DLGAP1: variants seen among roughly 807,000 people sequenced by gnomAD.
DLGAP1 encodes DLG associated protein 1, also known as disks large-associated protein 1.
In DLGAP1, 11 loss-of-function variants were observed where a neutral mutation model predicts 90.8. The observed-to-expected ratio is 0.12, with a 90% CI of 0.08 to 0.20. The LOEUF (loss-of-function observed/expected upper bound fraction) is 0.20. Among genes scored for constraint, DLGAP1 ranks in the 10% least tolerant of loss-of-function variants. DLGAP1 has a pLI of 1.00. For synonymous variants in DLGAP1, 558 were observed against 540.7 expected, an observed-to-expected ratio of 1.03 and a Z score of -0.44; for missense variants, 1,050 against 1,333.8, an observed-to-expected ratio of 0.79 and a Z score of 3.31.
chr18:4,373,846 C>T (rs1015942601), intron 1 of DLGAP1, among the ~76,000 whole-genome samples: 1 of 151,932 alleles, frequency 6.6e-6, no homozygotes, highest in African/African-American at 2.4e-5. Context: ...CATATTTATC[C>T]TGTCTAATAA....
chr18:4,412,838 C>G (rs1034923545), intron 1 of DLGAP1, among the ~76,000 whole-genome samples: 2 of 152,234 alleles, frequency 1.3e-5, no homozygotes, highest in African/African-American at 4.8e-5. Context: ...CAGGTCCCCA[C>G]ACTCTGTCCT....
chr18:4,154,994 T>C (rs1177023103), intron 1 of DLGAP1, among the ~76,000 whole-genome samples: 2 of 152,034 alleles, frequency 1.3e-5, no homozygotes, highest in Non-Finnish European at 2.9e-5. Context: ...AAACATGCTA[T>C]AGATGTGAGA....
intron 9 of DLGAP1, among the ~76,000 whole-genome samples, chr18:3,566,500 G>C (rs2054435372): frequency 6.6e-6 from 1 of 151,956 alleles, no homozygotes; most frequent in Non-Finnish European, 1.5e-5. Flanking sequence ...TCAATAGTGA[G>C]AGGTTCTAAA....
intron 2 of DLGAP1, among the ~76,000 whole-genome samples, chr18:4,105,830 A>C (rs2075851129): frequency 6.6e-6 from 1 of 151,974 alleles, no homozygotes; most frequent in Admixed American, 6.6e-5. Flanking sequence ...GGAGATCGAG[A>C]CCATCCTGGC....
At chr18:3,970,799 T>C (rs1211976727) in intron 3 of DLGAP1, among the ~76,000 whole-genome samples, 1 of 152,172 alleles carries the variant, frequency 6.6e-6, no homozygotes, top group African/African-American at 2.4e-5. Context: ...AAAGGGTTTC[T>C]TCCCCCTAAT....
intron 7 of DLGAP1, among the ~76,000 whole-genome samples, chr18:3,707,539 G>T (rs2061472194): frequency 6.6e-6 from 1 of 151,806 alleles, no homozygotes; most frequent in Non-Finnish European, 1.5e-5. Flanking sequence ...GGCAGAGGTT[G>T]CAGTGAGCCG....
At chr18:3,860,592 C>T (rs1480811242) in intron 4 of DLGAP1, among the ~76,000 whole-genome samples, 3 of 152,188 alleles carry the variant, frequency 2.0e-5, no homozygotes, top group South Asian at 2.1e-4. Context: ...GGCCCTTGAA[C>T]TGCATGGCTG....
At chr18:4,243,532 T>C (rs1467668707) in intron 1 of DLGAP1, among the ~76,000 whole-genome samples, 3 of 152,188 alleles carry the variant, frequency 2.0e-5, no homozygotes, top group East Asian at 1.9e-4. Context: ...ACAAGTTATT[T>C]TGAGGCCACT....
chr18:4,365,494 T>A (rs967042302), intron 1 of DLGAP1, among the ~76,000 whole-genome samples: 2 of 152,152 alleles, frequency 1.3e-5, no homozygotes, highest in African/African-American at 2.4e-5. Context: ...GATGATTATG[T>A]AACCCTATAA....
intron 7 of DLGAP1, among the ~76,000 whole-genome samples, chr18:3,718,926 G>GA (rs58552058): frequency 0.033 from 3,159 of 95,420 alleles, 146 homozygotes; most frequent in African/African-American, 0.11. Flanking sequence ...GACTTTGTCT[G>GA]AAAAAAAAAA....
intron 5 of DLGAP1, among the ~76,000 whole-genome samples, chr18:3,751,855 G>A (rs1295579068): frequency 3.4e-5 from 5 of 145,178 alleles, no homozygotes; most frequent in Non-Finnish European, 7.5e-5. Context: ...GAGCCACTGT[G>A]CCCGGACTTC....
At chr18:3,589,367 A>C (rs920563654) in intron 7 of DLGAP1, among the ~76,000 whole-genome samples, 5 of 152,212 alleles carry the variant, frequency 3.3e-5, no homozygotes, top group Non-Finnish European at 7.3e-5. Flanking sequence ...AACAGATGTG[A>C]GATCAAACTC....
intron 7 of DLGAP1, among the ~76,000 whole-genome samples, chr18:3,657,276 A>G (rs2059525626): frequency 6.6e-6 from 1 of 152,210 alleles, no homozygotes; most frequent in African/African-American, 2.4e-5. Context: ...ATTCTTTTCA[A>G]TACTGGTAAA....
intron 5 of DLGAP1, among the ~76,000 whole-genome samples, chr18:3,742,824 CTT>C (rs149541879): frequency 1.2e-3 from 180 of 152,296 alleles, no homozygotes; most frequent in African/African-American, 4.2e-3. Context: ...GGAATTCTGA[CTT>C]GTGTAATTTG....
At chr18:4,136,850 C>T (rs1000226575) in intron 2 of DLGAP1, among the ~76,000 whole-genome samples, 2 of 152,118 alleles carry the variant, frequency 1.3e-5, no homozygotes, top group Non-Finnish European at 2.9e-5. Context: ...AAGCTTTTCG[C>T]AGTAGCTTTA....
At chr18:4,380,607 G>T (rs530980382) in intron 1 of DLGAP1, among the ~76,000 whole-genome samples, 1 of 152,132 alleles carries the variant, frequency 6.6e-6, no homozygotes, top group African/African-American at 2.4e-5. Flanking sequence ...ATGGAGAATA[G>T]AATCTAATCT....
At chr18:3,795,193 G>A (rs2065928040) in intron 5 of DLGAP1, among the ~76,000 whole-genome samples, 1 of 152,194 alleles carries the variant, frequency 6.6e-6, no homozygotes, top group African/African-American at 2.4e-5. Context: ...GGAGATGGAT[G>A]TCATGAAAAG....
chr18:3,832,465 C>T (rs559454885), intron 4 of DLGAP1, among the ~76,000 whole-genome samples: 13 of 152,116 alleles, frequency 8.5e-5, no homozygotes, highest in East Asian at 5.8e-4. Context: ...TACAGCTGCA[C>T]GAGTAGGCAC....
chr18:4,316,316 T>A (rs2080525780), intron 1 of DLGAP1, among the ~76,000 whole-genome samples: 1 of 152,142 alleles, frequency 6.6e-6, no homozygotes, highest in Admixed American at 6.6e-5. Flanking sequence ...ACACCACAAG[T>A]TCTGGTTGCC....
Sources: allele counts gnomAD v4.1 joint callset (sites outside exome capture counted in the v4.1 genomes callset), GRCh38; gene constraint gnomAD v4.1.1; transcripts MANE v1.5; gene names NCBI Gene and HGNC (gene_info 2026-07-23, HGNC 2026-07-21).